Variants in ISL2 observed in about 807,000 individuals in gnomAD.
ISL2 encodes the protein insulin gene enhancer protein ISL-2.
ISL2 carries 17 observed loss-of-function variants against 34.6 expected under a neutral mutation model. The ratio of observed to expected loss-of-function variants is 0.49; its 90% CI spans 0.34 to 0.74. The LOEUF (loss-of-function observed/expected upper bound fraction) is 0.74, where lower values mean the gene tolerates loss of function less well. Among genes scored for constraint, ISL2 ranks in the 30% least tolerant of loss-of-function variants. The pLI is 0.01. For missense variants in ISL2, 469 were observed against 515.2 expected (o/e 0.91, Z 0.87); for synonymous variants, 232 against 225.5 (o/e 1.03, Z -0.26).
intron 4 of ISL2, among the ~76,000 whole-genome samples, chr15:76,340,816 A>T (rs2040187833): frequency 6.6e-6 from 1 of 152,242 alleles, no homozygotes; most frequent in Non-Finnish European, 1.5e-5. Context: ...CCAAGGCTGC[A>T]TGGCAGTGTG....
At position 76,340,327 on chromosome 15, in the gene ISL2, C is replaced by A; in HGVS notation, c.563C>A (p.Thr188Lys). Reference protein sequence around the residue: ...PALRPHVHKQTEKTTRVRTVL... With the variant: ...PALRPHVHKQKEKTTRVRTVL... Reference sequence around the variant, plus strand: ...TTGCGCCCGCACGTGCACAAGCAGACGGAGAAGACGACCCGCGTGCGGACT... The same window carrying A: ...TTGCGCCCGCACGTGCACAAGCAGAAGGAGAAGACGACCCGCGTGCGGACT... Residue 188 changes from threonine to lysine, a missense_variant, in exon 4 of 6, where the codon ACG (threonine) becomes AAG (lysine). By Grantham distance (78) the Thr-to-Lys change is moderately conservative. Coordinates refer to ENST00000290759, the MANE Select transcript of ISL2 (RefSeq NM_145805.3). 1 of 1,611,690 alleles carries A rather than the reference C, an allele frequency of 6.2e-7. No individual in the cohort carries two copies. Among genetic ancestry groups the A allele is most frequent in the Non-Finnish European group, 8.5e-7 (1 of 1,179,748 alleles).
rs762321928 is a variant in ISL2 at position 76,341,886 on chromosome 15, A to G, written c.*51A>G. On this transcript the variant is annotated 3_prime_UTR_variant, in exon 6 of 6. Transcript: ENST00000290759. The stretch of plus-strand genomic sequence containing the variant: ...GGACCTCGCATGCTCCCTGCATGAG[A>G]CTCACCCATGCTCAGGCCATTCCAG... 1.7e-6 allele frequency: 2 copies of G among 1,161,436 alleles called. No homozygotes were observed. Among genetic ancestry groups the G allele is most frequent in the African/African-American group, 1.5e-5 (1 of 66,098 alleles). 71.9% of individuals were successfully genotyped at this position (1,161,436 alleles called of 1,614,324 possible).
intron 3 of ISL2, chr15:76,339,403 A>G (rs920053569): frequency 3.8e-5 from 37 of 985,362 alleles, no homozygotes; most frequent in Non-Finnish European, 4.5e-5. Flanking sequence ...TGCAGTACAG[A>G]TCCACGGTAT....
chr15:76,337,871 C>T lies in ISL2; in HGVS notation c.152C>T (p.Ala51Val), dbSNP rs778680945. The change falls in exon 2 of 6, where the codon GCC becomes GTC. Residue 51 changes from alanine (A) to valine (V), a missense_variant. By Grantham distance (64) the Ala-to-Val change is moderately conservative. Transcript: ENST00000290759. The part of the protein sequence containing the change: ...RVSPDLEWHA[A>V]CLKCAECSQY... ...TCGCCCGACCTCGAGTGGCACGCGG[C>T]CTGCCTCAAGTGTGCCGAGTGCAGC... The T allele has an allele frequency of 1.4e-5, 23 of 1,612,590 alleles. No individual in the cohort carries two copies. The highest frequency in any genetic ancestry group is 1.8e-5 in the Non-Finnish European group (21 of 1,179,714).
In ISL2 at chr15:76,340,531, T is replaced by TGCAGCA. The variant is rs748288543; in HGVS notation, c.777_782dup (p.Gln259_Gln260dup). 64 of 1,604,092 alleles carry TGCAGCA rather than the reference T, an allele frequency of 4.0e-5. 1 individual carries two copies. Among genetic ancestry groups the TGCAGCA allele is most frequent in the Admixed American group, 3.0e-4 (18 of 59,730 alleles). ...AAGAAATCCATTCTCATGAAGCAGC[T>TGCAGCA]GCAGCAGCAGCAGCACAGCGACAAG... On this transcript the variant is annotated inframe_insertion, in exon 4 of 6. Transcript: ENST00000290759.
Position 76,336,921 on chromosome 15 carries a change from C to A in ISL2, c.38C>A (p.Ala13Asp), listed in dbSNP as rs1467086035. The change falls in exon 1 of 6, where the codon GCT (alanine) becomes GAT (aspartate). Residue 13 changes from alanine (A) to aspartate (D), a missense_variant. This residue lies in a region of ISL2 where 297 missense variants were observed against 337.8 expected (regional missense o/e 0.88). Coordinates refer to ENST00000290759, the MANE Select transcript of ISL2 (RefSeq NM_145805.3). ...DIIFHYPFLG[A>D]MGDHSKKKPG... ...ATTTTTCATTATCCTTTTCTGGGTG[C>A]TATGGGTGATCATTCCAAGAGTAAG... is the stretch of plus-strand genomic sequence containing the variant. The A allele has an allele frequency of 6.2e-7, 1 of 1,612,582 alleles. No individual in the cohort carries two copies.
At position 76,342,011 on chromosome 15, in the gene ISL2, G is replaced by A. The variant is rs2040198097; in HGVS notation, c.*176G>A. On this transcript the variant is annotated 3_prime_UTR_variant, in exon 6 of 6. Transcript: ENST00000290759. ...AGCCCAAGGCGCCAGGATGCAACCT[G>A]CTTTCACCAGACTGCAGACCCCTGC... 5.1e-6 allele frequency: 3 copies of A among 591,000 alleles called. No individual in the cohort carries two copies. The South Asian group carries it at 6.3e-5, about 12-fold the overall frequency. 36.6% of individuals were successfully genotyped at this position (591,000 alleles called of 1,614,324 possible). A position where few individuals can be genotyped will look rare whatever the true frequency, so the allele number is the denominator to read the frequency against.
At chr15:76,339,939 C>A in intron 3 of ISL2, 3 of 1,130,660 alleles carry the variant, frequency 2.7e-6, no homozygotes, top group Non-Finnish European at 3.3e-6. Context: ...TTCCGGAGGG[C>A]TTCGCTCGTT....
Position 76,336,907 on chromosome 15 carries a change from T to A in ISL2, c.24T>A (p.Tyr8Ter), listed in dbSNP as rs1434894996. 1 of 1,613,368 alleles carries A rather than the reference T, an allele frequency of 6.2e-7. No homozygotes were observed. Among genetic ancestry groups the A allele is most frequent in the East Asian group, 2.2e-5 (1 of 44,882 alleles). Residue 8 changes from tyrosine to a stop codon, truncating the protein, a stop_gained, in exon 1 of 6, where the codon TAT (tyrosine) becomes TAA (stop). Coordinates refer to ENST00000290759, the MANE Select transcript of ISL2 (RefSeq NM_145805.3). LOFTEE classifies it high-confidence loss of function. The stretch of plus-strand genomic sequence containing the variant: ...GCATGGTGGATATTATTTTTCATTA[T>A]CCTTTTCTGGGTGCTATGGGTGATC... The part of the protein sequence containing the change: MVDIIFH[Y>*]PFLGAMGDHS...
chr15:76,338,044 C>A, intron 2 of ISL2, 77 bp downstream of exon 2: 1 of 1,321,236 alleles, frequency 7.6e-7, no homozygotes. Context: ...GGCCTGCCCG[C>A]GCGCCCCGGC....
chr15:76,341,246 C>G lies in ISL2; in HGVS notation c.908C>G (p.Ala303Gly). ...CAGACGTACCAGCCGCCGTGGAAGG[C>G]GCTCAGCGAGTTTGCCCTCCAGAGC... ...EVQTYQPPWK[A>G]LSEFALQSDL... Residue 303 changes from alanine to glycine, a missense_variant, in exon 5 of 6, where the codon GCG becomes GGG. This residue lies in a region of ISL2 where 169 missense variants were observed against 154.2 expected (regional missense o/e 1.10). Transcript: ENST00000290759. The G allele has an allele frequency of 6.2e-7, 1 of 1,610,912 alleles. No individual in the cohort carries two copies. Among genetic ancestry groups the G allele is most frequent in the African/African-American group, 1.3e-5 (1 of 75,008 alleles).
At chr15:76,340,097 T>A in intron 3 of ISL2, 179 bp from the exon 4 acceptor site, 1 of 1,408,558 alleles carries the variant, frequency 7.1e-7, no homozygotes, top group Non-Finnish European at 9.2e-7. Flanking sequence ...AGAACGAAAA[T>A]GCACAGCTCT....
intron 5 of ISL2, 150 bp from the exon 6 acceptor site, chr15:76,341,569 G>C: frequency 2.8e-6 from 2 of 703,734 alleles, no homozygotes; most frequent in Non-Finnish European, 5.0e-6. Context: ...CCCCTCGTGC[G>C]CCTGGGGACC....
intron 1 of ISL2, 49 bp from the exon 2 acceptor site, chr15:76,337,729 T>C: frequency 6.7e-7 from 1 of 1,486,072 alleles, no homozygotes; most frequent in Non-Finnish European, 9.0e-7. Context: ...GAGGCCGGCC[T>C]GGGTCCGGGC....
Position 76,341,910 on chromosome 15 carries a change from AGTT to A in ISL2, c.*76_*78del. 1.1e-6 allele frequency: 1 copy of A among 919,984 alleles called. No homozygotes were observed. 57.0% of individuals were successfully genotyped at this position (919,984 alleles called of 1,614,324 possible). The stretch of plus-strand genomic sequence containing the variant: ...GACTCACCCATGCTCAGGCCATTCC[AGTT>A]CCGAAAGCTCTCTCGCCTTCGTAAT... On this transcript the variant is annotated 3_prime_UTR_variant, in exon 6 of 6. Coordinates refer to ENST00000290759, the MANE Select transcript of ISL2 (RefSeq NM_145805.3).
At position 76,336,906 on chromosome 15, in the gene ISL2, A is replaced by T. The variant is rs1255128407; in HGVS notation, c.23A>T (p.Tyr8Phe). MVDIIFH[Y>F]PFLGAMGDHS... ...TGCATGGTGGATATTATTTTTCATT[A>T]TCCTTTTCTGGGTGCTATGGGTGAT... The change falls in exon 1 of 6, where the codon TAT (tyrosine) becomes TTT (phenylalanine). Residue 8 changes from tyrosine to phenylalanine, a missense_variant. Transcript: ENST00000290759. The T allele has an allele frequency of 3.1e-6, 5 of 1,613,080 alleles. No homozygotes were observed. Among genetic ancestry groups the T allele is most frequent in the Non-Finnish European group, 4.2e-6 (5 of 1,179,230 alleles).
At chr15:76,338,984 G>A (rs2040173037) in intron 3 of ISL2, 1 of 985,428 alleles carries the variant, frequency 1.0e-6, no homozygotes. Context: ...ACCCAACAAA[G>A]AGGGGTTTTT....
chr15:76,340,106 C>G, intron 3 of ISL2, 170 bp from the exon 4 acceptor site: 2 of 1,420,754 alleles, frequency 1.4e-6, no homozygotes, highest in South Asian at 1.5e-5. Flanking sequence ...ATGCACAGCT[C>G]TCTCCGAGTA....
In ISL2 at chr15:76,336,836, C is replaced by G. The variant is rs763457261; in HGVS notation, c.-48C>G. On this transcript the variant is annotated 5_prime_UTR_variant, in exon 1 of 6. Coordinates refer to ENST00000290759, the MANE Select transcript of ISL2 (RefSeq NM_145805.3). ...GAGCCGAGGCCGGGCGCGCGACCCT[C>G]GTCCTTCTGCCCCTGGCCGCACACT... 2 of 1,556,456 alleles carry G rather than the reference C, an allele frequency of 1.3e-6. No homozygotes were observed. Among genetic ancestry groups the G allele is most frequent in the Non-Finnish European group, 8.9e-7 (1 of 1,127,832 alleles).
Sources: gnomAD v4.1 joint callset for allele counts (sites outside exome capture counted in the v4.1 genomes callset) on GRCh38, gnomAD v4.1.1 for gene constraint, gnomAD v4.1.1 regional missense constraint, MANE v1.5 for transcripts, NCBI Gene and HGNC (gene_info 2026-07-23, HGNC 2026-07-21) for gene names.